Variants in PTPRB observed in about 807,000 individuals in gnomAD.
PTPRB encodes the protein protein tyrosine phosphatase receptor type B.
A neutral mutation model predicts 238.1 loss-of-function variants in PTPRB; 97 were observed. The ratio of observed to expected loss-of-function variants is 0.41; its 90% CI spans 0.35 to 0.48. The LOEUF (loss-of-function observed/expected upper bound fraction) is 0.48. PTPRB is among the 20% of genes least tolerant of loss of function. The pLI, the probability that PTPRB is intolerant of heterozygous loss-of-function variation, is 0.30. For missense variants in PTPRB, 2,292 were observed against 2,681.9 expected, an observed-to-expected ratio of 0.85 and a Z score of 3.21; for synonymous variants, 970 against 995.4, an observed-to-expected ratio of 0.97 and a Z score of 0.48.
In PTPRB at chr12:70,587,150, T is replaced by C; in HGVS notation, c.2168A>G (p.Asp723Gly). The change falls in exon 9 of 34, where the codon GAC becomes GGC. Residue 723 changes from aspartate to glycine, a missense_variant. Transcript: ENST00000334414. ...EKYIISLADR[D>G]LLLIHKSLSK... ...GAGTGACTTGTGGATCAGTAAGAGG[T>C]CTCTGTCAGCTAGGGAAATGATGTA... 6.2e-7 allele frequency: 1 copy of C among 1,613,858 alleles called. No individual in the cohort carries two copies. Among genetic ancestry groups the C allele is most frequent in the South Asian group, 1.1e-5 (1 of 91,076 alleles).
chr12:70,534,642 GCTGTTCCTC>G lies in PTPRB; in HGVS notation c.6205_6213del (p.Glu2069_Gln2071del). On this transcript the variant is annotated inframe_deletion and splice_region_variant, in exon 31 of 34. Transcript: ENST00000334414. ...TGGCGGATGAGTCTGTGTGCATCAA[GCTGTTCCTC>G]CTGTAAGAGCAGAGAGCAGGATAAA... 1 of 1,612,056 alleles carries G rather than the reference GCTGTTCCTC, an allele frequency of 6.2e-7. No individual in the cohort carries two copies. Among genetic ancestry groups the G allele is most frequent in the African/African-American group, 1.3e-5 (1 of 74,902 alleles).
At position 70,540,938 on chromosome 12, in the gene PTPRB, A is replaced by G; in HGVS notation, c.5514T>C (p.Ile1838=). The G allele has an allele frequency of 6.2e-7, 1 of 1,604,700 alleles. No homozygotes were observed. The highest frequency in any genetic ancestry group is 8.5e-7 in the Non-Finnish European group (1 of 1,175,460). Residue 1838 remains isoleucine (I), a synonymous_variant, in exon 23 of 34, where the codon ATT becomes ATC. Coordinates refer to ENST00000334414, the MANE Select transcript of PTPRB (RefSeq NM_001109754.4). ...TTESEPLFGA[I]EGVSAGLFLI... is the part of the protein sequence containing the mutation. ...AAAACAGACCAGCACTCACACCTTC[A>G]ATAGCTCCAAACAAGGGCTCTACAA... is the stretch of plus-strand genomic sequence containing the variant.
At position 70,581,319 on chromosome 12, in the gene PTPRB, A is replaced by G; in HGVS notation, c.2312-17T>C. ...GGGCAGGCACTAAAACAGTAGACAG[A>G]AGAAAAAACAAATGACACTTAGTCA... On this transcript the variant is annotated splice_polypyrimidine_tract_variant and intron_variant, in intron 9 of 33. Transcript: ENST00000334414. 1 of 1,582,240 alleles carries G rather than the reference A, an allele frequency of 6.3e-7. No homozygotes were observed. Among genetic ancestry groups the G allele is most frequent in the Non-Finnish European group, 8.6e-7 (1 of 1,165,404 alleles).
At chr12:70,564,145 T>A (rs1305058975) in intron 15 of PTPRB, among the ~76,000 whole-genome samples, 1 of 152,184 alleles carries the variant, frequency 6.6e-6, no homozygotes, top group Non-Finnish European at 1.5e-5. Flanking sequence ...TTTGCATGAC[T>A]TTCTCATTTC....
At position 70,560,057 on chromosome 12, in the gene PTPRB, G is replaced by A. The variant is rs997361696; in HGVS notation, c.4433-433C>T. Among the ~76,000 whole-genome samples the A allele has an allele frequency of 1.3e-5, 2 of 151,890 alleles. No individual in the cohort carries two copies. The highest frequency in any genetic ancestry group is 2.9e-5 in the Non-Finnish European group (2 of 67,980). ...TCCTCTCGTTGACCAGGCTGGTCTCGAACTCCAGACCTCAAGTGATCCACC... is the reference window on the plus strand; with the variant it reads ...TCCTCTCGTTGACCAGGCTGGTCTCAAACTCCAGACCTCAAGTGATCCACC... On this transcript the variant is annotated intron_variant, in intron 17 of 33. Transcript: ENST00000334414. This position sits in a 1 kb window ranked among gnomAD's most constrained non-coding sequence, Gnocchi z 4.2.
intron 29 of PTPRB, 87 bp from the exon 30 acceptor site, chr12:70,535,042 A>AAGTT (rs1305939184): frequency 8.3e-6 from 12 of 1,450,548 alleles, no homozygotes; most frequent in South Asian, 1.3e-5. Context: ...ATGTCTTCCA[A>AAGTT]AGTTAGGAAT....
chr12:70,585,507 G>C lies in PTPRB; in HGVS notation c.2311+1500C>G, dbSNP rs555491191. On this transcript the variant is annotated intron_variant, in intron 9 of 33. Transcript: ENST00000334414. ...TTTCCCCCATGCTGTTCTTGTGTTA[G>C]TGAGTGATTTCTCACAAGATCTGAT... Among the ~76,000 whole-genome samples the C allele has an allele frequency of 4.6e-5, 7 of 152,176 alleles. No individual in the cohort carries two copies. The South Asian group carries it at 1.5e-3, about 32-fold the overall frequency.
intron 22 of PTPRB, 74 bp downstream of exon 22, chr12:70,544,483 C>T: frequency 2.0e-6 from 2 of 1,021,660 alleles, no homozygotes; most frequent in Non-Finnish European, 3.0e-6. Flanking sequence ...CCACCATCAG[C>T]CAATATCTCC....
At position 70,538,240 on chromosome 12, in the gene PTPRB, A is replaced by G. The variant is rs767620883; in HGVS notation, c.5870-9T>C. On this transcript the variant is annotated splice_polypyrimidine_tract_variant and intron_variant, in intron 27 of 33. Transcript: ENST00000334414. ...CACTCGCGTGGCATCATCTGGAAGGAGAGATTTGCTGCTGAGTCTTGGAGT... is the reference window on the plus strand; with the variant it reads ...CACTCGCGTGGCATCATCTGGAAGGGGAGATTTGCTGCTGAGTCTTGGAGT... 6.2e-7 allele frequency: 1 copy of G among 1,611,904 alleles called. No homozygotes were observed.
chr12:70,619,976 T>G (rs1012502745), intron 3 of PTPRB, among the ~76,000 whole-genome samples: 1 of 152,200 alleles, frequency 6.6e-6, no homozygotes, highest in African/African-American at 2.4e-5. Context: ...AAGCTCTTGC[T>G]AAATCAAATA....
At chr12:70,603,493 A>G (rs1288934048) in intron 4 of PTPRB, among the ~76,000 whole-genome samples, 2 of 152,232 alleles carry the variant, frequency 1.3e-5, no homozygotes, top group African/African-American at 4.8e-5. Context: ...CAACTTAAAA[A>G]TAATATACTT....
intron 19 of PTPRB, among the ~76,000 whole-genome samples, 153 bp from the exon 20 acceptor site, chr12:70,555,462 C>T (rs1030927062): frequency 1.2e-4 from 19 of 152,100 alleles, no homozygotes; most frequent in Non-Finnish European, 2.1e-4. Context: ...TCAAGAAACT[C>T]TCCCCTTCTC....
chr12:70,599,797 T>G (rs1883323958), intron 4 of PTPRB, among the ~76,000 whole-genome samples: 1 of 152,146 alleles, frequency 6.6e-6, no homozygotes, highest in Non-Finnish European at 1.5e-5. Context: ...TTTTTTCCTT[T>G]TCTTTTTTTT....
At position 70,590,364 on chromosome 12, in the gene PTPRB, T is replaced by A; in HGVS notation, c.1781-131A>T. 3 of 882,010 alleles carry A rather than the reference T, an allele frequency of 3.4e-6. No homozygotes were observed. The East Asian group carries it at 7.9e-5, about 23-fold the overall frequency. The allele number at this position is 882,010 out of a possible 1,614,324, so 54.6% of individuals were successfully genotyped here. ...TCAAAACATTTCTATCCCCTCTTGA[T>A]GTCTGTGGATTGCAAATGAGTGTTC... is the stretch of plus-strand genomic sequence containing the variant. On this transcript the variant is annotated intron_variant, in intron 7 of 33. Transcript: ENST00000334414.
At position 70,560,228 on chromosome 12, in the gene PTPRB, G is replaced by A. The variant is rs960917140; in HGVS notation, c.4432+443C>T. The stretch of plus-strand genomic sequence containing the variant: ...TGCCCTGAATGGGTTACAAGTGTGT[G>A]AAGATATTAATTCCATCAGATTTTG... On this transcript the variant is annotated intron_variant, in intron 17 of 33. Coordinates refer to ENST00000334414, the MANE Select transcript of PTPRB (RefSeq NM_001109754.4). This position sits in a 1 kb window ranked among gnomAD's most constrained non-coding sequence, Gnocchi z 4.2. Among the ~76,000 whole-genome samples the A allele has an allele frequency of 6.6e-6, 1 of 152,166 alleles. No homozygotes were observed. The highest frequency in any genetic ancestry group is 1.5e-5 in the Non-Finnish European group (1 of 68,036).
intron 21 of PTPRB, among the ~76,000 whole-genome samples, chr12:70,552,448 C>A (rs1877015946): frequency 6.8e-6 from 1 of 147,864 alleles, no homozygotes; most frequent in African/African-American, 2.5e-5. Flanking sequence ...GGCACCACTG[C>A]ACTCCAGTCT....
intron 11 of PTPRB, among the ~76,000 whole-genome samples, chr12:70,575,811 C>T (rs981956898): frequency 1.3e-5 from 2 of 152,158 alleles, no homozygotes; most frequent in African/African-American, 4.8e-5. Flanking sequence ...ATTTCCTTTG[C>T]TAAGATTTTT....
intron 4 of PTPRB, among the ~76,000 whole-genome samples, chr12:70,597,239 T>C (rs1303408435): frequency 6.6e-6 from 1 of 152,196 alleles, no homozygotes; most frequent in African/African-American, 2.4e-5. Context: ...TCCCTAGGTT[T>C]TTAAAATCTC....
intron 33 of PTPRB, among the ~76,000 whole-genome samples, chr12:70,522,817 A>C (rs1303031361): frequency 6.8e-6 from 1 of 147,074 alleles, no homozygotes. Flanking sequence ...TTCTTTATTT[A>C]GCTATTATAA....
Sources: allele counts gnomAD v4.1 joint callset (sites outside exome capture counted in the v4.1 genomes callset), GRCh38; gene constraint gnomAD v4.1.1; non-coding constraint Gnocchi (gnomAD v3.1); transcripts MANE v1.5; gene names NCBI Gene and HGNC (gene_info 2026-07-23, HGNC 2026-07-21).